Variants in KCNK17 observed in about 807,000 individuals in gnomAD.
KCNK17 encodes potassium channel subfamily K member 17.
Under a neutral mutation model 24.6 loss-of-function variants are expected in KCNK17, and 27 were observed. The ratio of observed to expected loss-of-function variants is 1.10; its 90% CI spans 0.81 to 1.51. KCNK17 has a LOEUF of 1.51. Among genes scored for constraint, KCNK17 ranks in the 40% most tolerant of loss-of-function variants. The pLI is 0.00. For synonymous variants in KCNK17, 181 were observed against 189.8 expected (o/e 0.95, Z 0.38); for missense variants, 450 against 436.6 (o/e 1.03, Z -0.27).
intron 1 of KCNK17, 30 bp from the exon 2 acceptor site, chr6:39,311,037 C>T (rs764893075): frequency 1.6e-5 from 23 of 1,411,124 alleles, no homozygotes; most frequent in Middle Eastern, 1.8e-4. Flanking sequence ...GACCACCAGG[C>T]TCTGTGGGGT....
Position 39,310,888 on chromosome 6 carries a change from C to T in KCNK17, c.352+5G>A, listed in dbSNP as rs1236998505. The stretch of plus-strand genomic sequence containing the variant: ...CCCATCCCCCTGGCCCCATCTGGCC[C>T]TTACCAATGGTGGTGATGGTGGACA... On this transcript the variant is annotated splice_donor_5th_base_variant and intron_variant, in intron 2 of 4. Transcript: ENST00000373231. 2.5e-6 allele frequency: 4 copies of T among 1,588,116 alleles called. No homozygotes were observed. Among genetic ancestry groups the T allele is most frequent in the Non-Finnish European group, 3.4e-6 (4 of 1,160,840 alleles).
At chr6:39,300,238 T>G (rs1234954888) in intron 4 of KCNK17, 13 of 528,948 alleles carry the variant, frequency 2.5e-5, no homozygotes, top group Non-Finnish European at 3.8e-5. Flanking sequence ...TTCTCCTGCC[T>G]CAGCCTCCCG....
intron 2 of KCNK17, among the ~76,000 whole-genome samples, chr6:39,306,773 T>C (rs1464120841): frequency 6.7e-6 from 1 of 150,278 alleles, no homozygotes; most frequent in Non-Finnish European, 1.5e-5. Context: ...TTTGTTTTTT[T>C]TTTTTTTTTT....
chr6:39,311,126 A>G, intron 1 of KCNK17, 119 bp from the exon 2 acceptor site: 1 of 578,680 alleles, frequency 1.7e-6, no homozygotes, highest in African/African-American at 2.0e-5. Flanking sequence ...ACACAAACAA[A>G]CCTACACACA....
Position 39,299,424 on chromosome 6 carries a change from T to A in KCNK17, c.*3A>T, listed in dbSNP as rs765417277. On this transcript the variant is annotated 3_prime_UTR_variant, in exon 5 of 5. Coordinates refer to ENST00000373231, the MANE Select transcript of KCNK17 (RefSeq NM_031460.4). ...AGGACGACGACCAAAGAATGGAGTATAACTAGCTGTCCTTGCCACAGCCTG... is the reference window on the plus strand; with the variant it reads ...AGGACGACGACCAAAGAATGGAGTAAAACTAGCTGTCCTTGCCACAGCCTG... 42 of 1,609,224 alleles carry A rather than the reference T, an allele frequency of 2.6e-5. No homozygotes were observed. Among genetic ancestry groups the A allele is most frequent in the Non-Finnish European group, 3.1e-5 (36 of 1,176,280 alleles).
At position 39,314,124 on chromosome 6, in the gene KCNK17, A is replaced by G. The variant is rs1162251383; in HGVS notation, c.197T>C (p.Phe66Ser). 6.3e-7 allele frequency: 1 copy of G among 1,597,154 alleles called. No individual in the cohort carries two copies. Among genetic ancestry groups the G allele is most frequent in the Admixed American group, 1.7e-5 (1 of 59,082 alleles). Residue 66 changes from phenylalanine to serine, a missense_variant, in exon 1 of 5, where the codon TTC becomes TCC. By Grantham distance (155) the Phe-to-Ser change is radical. Coordinates refer to ENST00000373231, the MANE Select transcript of KCNK17 (RefSeq NM_031460.4). Reference protein sequence around the residue: ...QRDKWELLQNFTCLDRPALDS... With the variant: ...QRDKWELLQNSTCLDRPALDS... ...CAGCGCCGGGCGGTCCAGACACGTG[A>G]AGTTCTGCAACAGCTCCCACTTGTC...
chr6:39,309,645 G>A (rs1319937224), intron 2 of KCNK17, among the ~76,000 whole-genome samples: 4 of 152,288 alleles, frequency 2.6e-5, no homozygotes, highest in Middle Eastern at 3.4e-3. Context: ...GGGAGGTGTG[G>A]GGTTTGCAGA....
intron 1 of KCNK17, 64 bp downstream of exon 1, chr6:39,314,020 C>G: frequency 7.7e-7 from 1 of 1,306,640 alleles, no homozygotes. Flanking sequence ...CGCCCTCGGC[C>G]CGTACACCCC....
chr6:39,310,113 G>T (rs1435499574), intron 2 of KCNK17, among the ~76,000 whole-genome samples: 1 of 152,198 alleles, frequency 6.6e-6, no homozygotes, highest in East Asian at 1.9e-4. Context: ...AGTGATACCA[G>T]CCTGCCACCT....
intron 4 of KCNK17, among the ~76,000 whole-genome samples, chr6:39,300,889 C>T (rs920671289): frequency 7.9e-5 from 12 of 152,320 alleles, no homozygotes; most frequent in African/African-American, 2.2e-4. Flanking sequence ...CTACAGACCA[C>T]GTTGGGTTCC....
chr6:39,304,858 C>T (rs1000815762), intron 2 of KCNK17, among the ~76,000 whole-genome samples: 2 of 152,216 alleles, frequency 1.3e-5, no homozygotes, highest in Admixed American at 6.5e-5. Context: ...AGTTCACCCT[C>T]GAAACCACCC....
chr6:39,314,127 T>C lies in KCNK17; in HGVS notation c.194A>G (p.Asn65Ser), dbSNP rs373663901. The C allele has an allele frequency of 8.0e-5, 128 of 1,597,206 alleles. No homozygotes were observed. In the Middle Eastern group the frequency reaches 8.3e-4, roughly 10 times the overall value. The stretch of plus-strand genomic sequence containing the variant: ...CGCCGGGCGGTCCAGACACGTGAAG[T>C]TCTGCAACAGCTCCCACTTGTCGCG... ...FQRDKWELLQ[N>S]FTCLDRPALD... Residue 65 changes from asparagine (N) to serine (S), a missense_variant, in exon 1 of 5, where the codon AAC (asparagine) becomes AGC (serine). By Grantham distance (46) the Asn-to-Ser change is conservative (BLOSUM62 1). Coordinates refer to ENST00000373231, the MANE Select transcript of KCNK17 (RefSeq NM_031460.4).
Position 39,304,509 on chromosome 6 carries a change from C to G in KCNK17, c.499G>C (p.Gly167Arg), listed in dbSNP as rs776936962. The change falls in exon 3 of 5, where the codon GGG becomes CGG. Residue 167 changes from glycine to arginine, a missense_variant. Coordinates refer to ENST00000373231, the MANE Select transcript of KCNK17 (RefSeq NM_031460.4). ...QGVNHWASRLGGTWQDPDKAR... is the reference protein window; with the variant it reads ...QGVNHWASRLRGTWQDPDKAR... ...AGCCCCCTCACCTGCCAGGTGCCCCCCAGCCTGCTGGCCCAGTGGTTTACT... is the reference window on the plus strand; with the variant it reads ...AGCCCCCTCACCTGCCAGGTGCCCCGCAGCCTGCTGGCCCAGTGGTTTACT... 3.7e-6 allele frequency: 6 copies of G among 1,613,376 alleles called. No homozygotes were observed. The highest frequency in any genetic ancestry group is 3.4e-6 in the Non-Finnish European group (4 of 1,179,418).
intron 1 of KCNK17, 34 bp from the exon 2 acceptor site, chr6:39,311,041 G>C: frequency 7.4e-7 from 1 of 1,354,718 alleles, no homozygotes. Context: ...ACCAGGCTCT[G>C]TGGGGTGATG....
At position 39,304,626 on chromosome 6, in the gene KCNK17, C is replaced by A; in HGVS notation, c.382G>T (p.Ala128Ser). The A allele has an allele frequency of 1.2e-6, 2 of 1,613,414 alleles. No individual in the cohort carries two copies. The highest frequency in any genetic ancestry group is 8.5e-7 in the Non-Finnish European group (1 of 1,179,402). The change falls in exon 3 of 5, where the codon GCT (alanine) becomes TCT (serine). Residue 128 changes from alanine (A) to serine (S), a missense_variant. By Grantham distance (99) the Ala-to-Ser change is moderately conservative. Transcript: ENST00000373231. ...GYGNLSPNTMAARLFCIFFAL... is the reference protein window; with the variant it reads ...GYGNLSPNTMSARLFCIFFAL... ...AAGAAGATGCAGAAGAGGCGGGCAG[C>A]CATCGTGTTGGGGCTCAGGTTGCCA...
rs200078013 is a variant in KCNK17 at position 39,303,920 on chromosome 6, G to A, written c.688+37C>T. 147 of 1,600,930 alleles carry A rather than the reference G, an allele frequency of 9.2e-5. No individual in the cohort carries two copies. In the African/African-American group the frequency reaches 1.8e-3, roughly 19 times the overall value. On this transcript the variant is annotated intron_variant, in intron 4 of 4. Coordinates refer to ENST00000373231, the MANE Select transcript of KCNK17 (RefSeq NM_031460.4). ...AGATGAGTGAGAGGTATAGGCAGCCGAATGTCCCCGCCAGCCCAACCGCCA... is the reference window on the plus strand; with the variant it reads ...AGATGAGTGAGAGGTATAGGCAGCCAAATGTCCCCGCCAGCCCAACCGCCA...
In KCNK17 at chr6:39,303,993, T is replaced by A. The variant is rs943061480; in HGVS notation, c.652A>T (p.Thr218Ser). Reference protein sequence around the residue: ...YTEGFYFAFITLSTVGFGDYV... With the variant: ...YTEGFYFAFISLSTVGFGDYV... ...TCGCCGAAGCCCACGGTGCTGAGGG[T>A]GATGAAGGCGAAGTAGAAGCCCTCT... Residue 218 changes from threonine to serine, a missense_variant, in exon 4 of 5, where the codon ACC (threonine) becomes TCC (serine). Thr to Ser is a moderately conservative substitution (Grantham distance 58). Transcript: ENST00000373231. The A allele has an allele frequency of 2.5e-6, 4 of 1,613,392 alleles. No homozygotes were observed. Among genetic ancestry groups the A allele is most frequent in the Non-Finnish European group, 3.4e-6 (4 of 1,179,962 alleles).
chr6:39,313,144 G>A (rs1439179961), intron 1 of KCNK17, among the ~76,000 whole-genome samples: 2 of 152,232 alleles, frequency 1.3e-5, no homozygotes, highest in Admixed American at 6.5e-5. Flanking sequence ...CCAGGACCCA[G>A]GACATCAATG....
At chr6:39,309,012 GCCA>G (rs1762084262) in intron 2 of KCNK17, among the ~76,000 whole-genome samples, 1 of 152,188 alleles carries the variant, frequency 6.6e-6, no homozygotes, top group African/African-American at 2.4e-5. Flanking sequence ...ACATCTCTGT[GCCA>G]CCGTGTCCCC....
Sources: allele counts gnomAD v4.1 joint callset (sites outside exome capture counted in the v4.1 genomes callset), GRCh38; gene constraint gnomAD v4.1.1; transcripts MANE v1.5; gene names NCBI Gene and HGNC (gene_info 2026-07-23, HGNC 2026-07-21).